UTP25: variants seen among roughly 807,000 people sequenced by gnomAD.
UTP25 encodes U3 small nucleolar RNA-associated protein 25 homolog.
In UTP25, 50 loss-of-function variants were observed where a neutral mutation model predicts 78.9. The observed-to-expected ratio is 0.63, with a 90% CI of 0.50 to 0.80. The LOEUF (loss-of-function observed/expected upper bound fraction) is 0.80. Ranked by LOEUF, UTP25 falls within the 30% of genes least tolerant of loss-of-function variation. UTP25 has a pLI of 0.00. For missense variants in UTP25, 846 were observed against 911.3 expected (o/e 0.93, Z 0.92); for synonymous variants, 329 against 336.5 (o/e 0.98, Z 0.24).
chr1:209,846,486 A>G (rs1178297548), intron 11 of UTP25, among the ~76,000 whole-genome samples: 1 of 152,088 alleles, frequency 6.6e-6, no homozygotes, highest in Non-Finnish European at 1.5e-5. Flanking sequence ...GGAATTTCTG[A>G]TTACTCCCTT....
chr1:209,851,728 A>C lies in UTP25; in HGVS notation c.*281A>C, dbSNP rs1572010702. 7.1e-6 allele frequency: 2 copies of C among 283,460 alleles called. No individual in the cohort carries two copies. The highest frequency in any genetic ancestry group is 1.3e-4 in the East Asian group (2 of 15,260). The allele number at this position is 283,460 out of a possible 1,614,324, so 17.6% of individuals were successfully genotyped here. On this transcript the variant is annotated 3_prime_UTR_variant, in exon 12 of 12. Transcript: ENST00000491415. ...ACTCCCACTTGTGAATATTTTTGTGAGACATAAATTCTTTTATTACGATTT... is the reference window on the plus strand; with the variant it reads ...ACTCCCACTTGTGAATATTTTTGTGCGACATAAATTCTTTTATTACGATTT...
chr1:209,849,654 C>T (rs2078219977), intron 11 of UTP25, among the ~76,000 whole-genome samples: 1 of 152,168 alleles, frequency 6.6e-6, no homozygotes, highest in African/African-American at 2.4e-5. Context: ...CTGCTTTCTC[C>T]AGGGCTCCCA....
At chr1:209,828,697 C>T (rs1206398607) in intron 1 of UTP25, among the ~76,000 whole-genome samples, 3 of 151,354 alleles carry the variant, frequency 2.0e-5, no homozygotes, top group African/African-American at 4.8e-5. Context: ...AGCCACCGCG[C>T]CCAGCTATGG....
chr1:209,843,835 T>A (rs2078181298), intron 11 of UTP25, 139 bp downstream of exon 11: 1 of 1,245,254 alleles, frequency 8.0e-7, no homozygotes. Context: ...AGCCAGAGAG[T>A]TTTTGGTTTG....
intron 7 of UTP25, among the ~76,000 whole-genome samples, chr1:209,840,195 T>G (rs942784277): frequency 6.6e-6 from 1 of 152,332 alleles, no homozygotes; most frequent in Non-Finnish European, 1.5e-5. Context: ...AGGAAAAAGA[T>G]ATGGGCTGGA....
chr1:209,828,464 A>AT (rs1191563075), intron 1 of UTP25, among the ~76,000 whole-genome samples: 1 of 146,062 alleles, frequency 6.8e-6, no homozygotes, highest in Non-Finnish European at 1.5e-5. Flanking sequence ...CAATGGCGCG[A>AT]TCTTGGCTCA....
Position 209,834,949 on chromosome 1 carries a change from G to A in UTP25, c.563-126G>A, listed in dbSNP as rs531470298. 4.2e-5 allele frequency: 28 copies of A among 671,570 alleles called. No individual in the cohort carries two copies. The African/African-American group carries it at 4.6e-4, about 11-fold the overall frequency. The allele number at this position is 671,570 out of a possible 1,614,324, so 41.6% of individuals were successfully genotyped here. A position where few individuals can be genotyped will look rare whatever the true frequency, so the allele number is the denominator to read the frequency against. The stretch of plus-strand genomic sequence containing the variant: ...TTTAAGCTCTGGACTTGGCCAGAGG[G>A]TGGGGAAAGTCAATGGAGAAAAGGA... On this transcript the variant is annotated intron_variant, in intron 4 of 11. Transcript: ENST00000491415.
intron 4 of UTP25, among the ~76,000 whole-genome samples, chr1:209,834,484 C>T (rs1005532841): frequency 4.6e-5 from 7 of 152,152 alleles, no homozygotes; most frequent in South Asian, 2.1e-4. Flanking sequence ...ATCAATCAGA[C>T]ATGGAACCTG....
At chr1:209,837,267 A>G in intron 6 of UTP25, 56 bp downstream of exon 6, 2 of 1,547,860 alleles carry the variant, frequency 1.3e-6, no homozygotes, top group Admixed American at 1.9e-5. Context: ...GCACTGCCAT[A>G]GAGGTGCCTG....
At chr1:209,851,142 A>G (rs2078235158) in intron 11 of UTP25, 62 bp from the exon 12 acceptor site, 3 of 1,559,264 alleles carry the variant, frequency 1.9e-6, no homozygotes, top group Non-Finnish European at 2.6e-6. Context: ...TACAACTCCT[A>G]GGTAGTTTTT....
intron 1 of UTP25, among the ~76,000 whole-genome samples, chr1:209,829,063 C>T (rs1253657077): frequency 2.0e-5 from 3 of 152,140 alleles, no homozygotes; most frequent in African/African-American, 7.2e-5. Flanking sequence ...CGTGAACCAC[C>T]GCGCTTGGCC....
intron 10 of UTP25, 88 bp downstream of exon 10, chr1:209,842,783 T>C: frequency 1.0e-6 from 1 of 954,330 alleles, no homozygotes; most frequent in Non-Finnish European, 1.6e-6. Flanking sequence ...TCCATTTTGC[T>C]TTTATTGATA....
rs375277190 is a variant in UTP25 at position 209,828,040 on chromosome 1, G to T, written c.-24G>T. On this transcript the variant is annotated 5_prime_UTR_variant, in exon 1 of 12. Transcript: ENST00000491415. ...TGGTGGAAAACCGCGACTCTTGCAAGTGGGCAAACTTGACGTTTTCGCTAT... is the reference window on the plus strand; with the variant it reads ...TGGTGGAAAACCGCGACTCTTGCAATTGGGCAAACTTGACGTTTTCGCTAT... 6 of 1,601,088 alleles carry T rather than the reference G, an allele frequency of 3.7e-6. No individual in the cohort carries two copies. The highest frequency in any genetic ancestry group is 5.1e-6 in the Non-Finnish European group (6 of 1,168,212).
At chr1:209,847,835 C>T (rs535573390) in intron 11 of UTP25, among the ~76,000 whole-genome samples, 41 of 152,328 alleles carry the variant, frequency 2.7e-4, no homozygotes, top group African/African-American at 8.7e-4. Flanking sequence ...GAAACACCTT[C>T]GTTCACAGGA....
At chr1:209,835,674 T>A (rs1231768178) in intron 5 of UTP25, among the ~76,000 whole-genome samples, 1 of 152,212 alleles carries the variant, frequency 6.6e-6, no homozygotes, top group Non-Finnish European at 1.5e-5. Context: ...ACTGATGCCA[T>A]TCATGAGAGT....
intron 7 of UTP25, among the ~76,000 whole-genome samples, chr1:209,840,478 A>C (rs2078160531): frequency 6.6e-6 from 1 of 152,214 alleles, no homozygotes; most frequent in African/African-American, 2.4e-5. Context: ...AGCTCTCAAA[A>C]GTGTTCATCC....
In UTP25 at chr1:209,855,281, G is replaced by C. The variant is rs1466967750; in HGVS notation, c.*3834G>C. The C allele has an allele frequency of 6.6e-6, 1 of 152,208 alleles. No individual in the cohort carries two copies. The allele number at this position is 152,208 out of a possible 1,614,324, so 9.4% of individuals were successfully genotyped here. A position where few individuals can be genotyped will look rare whatever the true frequency, so the allele number is the denominator to read the frequency against. ...ACATGTTCCTGTCTACTTTTGCTTT[G>C]TTCCTGTTTCCCTTCTGTGAGGACC... On this transcript the variant is annotated 3_prime_UTR_variant, in exon 12 of 12. Coordinates refer to ENST00000491415, the MANE Select transcript of UTP25 (RefSeq NM_014388.7).
intron 6 of UTP25, among the ~76,000 whole-genome samples, chr1:209,837,861 G>A (rs1019336474): frequency 3.3e-5 from 5 of 152,134 alleles, no homozygotes; most frequent in African/African-American, 1.2e-4. Context: ...TTGTCCCCCT[G>A]CCCTGAACTG....
rs76727782 is a variant in UTP25, at chr1:209,838,414, A to T, written c.1063-495A>T. Among the ~76,000 whole-genome samples, 1,278 of 151,810 alleles carry T rather than the reference A, an allele frequency of 8.4e-3. 19 individuals are homozygous for T. Among genetic ancestry groups the T allele is most frequent in the African/African-American group, 0.029 (1,220 of 41,370 alleles). On this transcript the variant is annotated intron_variant, in intron 6 of 11. Coordinates refer to ENST00000491415, the MANE Select transcript of UTP25 (RefSeq NM_014388.7). ...GTCATTTCTGAAACACTGTATAGAG[A>T]ATGCACTAGAAATGTAATGATGTGT...
Sources: allele counts gnomAD v4.1 joint callset (sites outside exome capture counted in the v4.1 genomes callset), GRCh38; gene constraint gnomAD v4.1.1; transcripts MANE v1.5; gene names NCBI Gene and HGNC (gene_info 2026-07-23, HGNC 2026-07-21).